MORN3: variants seen among roughly 807,000 people sequenced by gnomAD.
MORN3 encodes the protein MORN repeat-containing protein 3.
Under a neutral mutation model 34.7 loss-of-function variants are expected in MORN3, and 38 were observed. That is an observed-to-expected ratio of 1.10 (90% CI 0.85 to 1.44). The LOEUF is 1.44. MORN3 is among the 40% of genes most tolerant of loss of function. The pLI, the probability that MORN3 is intolerant of heterozygous loss-of-function variation, is 0.00. For synonymous variants in MORN3, 109 were observed against 115.3 expected (o/e 0.95, Z 0.35); for missense variants, 311 against 321.7 (o/e 0.97, Z 0.25).
chr12:121,666,182 C>CT (rs891794313), intron 1 of MORN3, among the ~76,000 whole-genome samples: 14 of 151,498 alleles, frequency 9.2e-5, no homozygotes, highest in South Asian at 8.4e-4. Flanking sequence ...ATTTATTTGT[C>CT]TTTTTTTTTC....
At chr12:121,667,298 G>A (rs1457499269) in intron 1 of MORN3, among the ~76,000 whole-genome samples, 2 of 151,690 alleles carry the variant, frequency 1.3e-5, no homozygotes, top group Non-Finnish European at 2.9e-5. Context: ...CTGGCACCCA[G>A]GCTGGAGTGC....
At chr12:121,659,162 C>CAT in intron 2 of MORN3, 29 bp downstream of exon 2, 1 of 1,607,870 alleles carries the variant, frequency 6.2e-7, no homozygotes. Flanking sequence ...CACACACACA[C>CAT]ACACACCCCG....
chr12:121,663,268 G>A (rs189199084), intron 1 of MORN3, among the ~76,000 whole-genome samples: 269 of 149,832 alleles, frequency 1.8e-3, no homozygotes, highest in African/African-American at 6.4e-3. Flanking sequence ...GTGCAATCTC[G>A]GCTCACTGCA....
chr12:121,662,739 A>T (rs1893620985), intron 1 of MORN3, among the ~76,000 whole-genome samples: 1 of 147,078 alleles, frequency 6.8e-6, no homozygotes, highest in Admixed American at 6.8e-5. Context: ...GGCAAGAGTG[A>T]GACTGAAAAA....
upstream of MORN3, chr12:121,672,560 C>CCGGCTCACCTGCGCT (rs1893998778): frequency 1.3e-5 from 2 of 152,300 alleles, no homozygotes; most frequent in African/African-American, 4.8e-5. Context: ...CCACCTGCGC[C>CCGGCTCACCTGCGCT]CGGCTCACCT....
At chr12:121,665,014 G>GCTAGT (rs978676518) in intron 1 of MORN3, among the ~76,000 whole-genome samples, 2 of 151,890 alleles carry the variant, frequency 1.3e-5, no homozygotes, top group Admixed American at 1.3e-4. Flanking sequence ...CTTTTTCTCT[G>GCTAGT]CTAGTCCATT....
Position 121,653,145 on chromosome 12 carries a change from G to A in MORN3, c.578C>T (p.Ala193Val), listed in dbSNP as rs1555325282. The part of the protein sequence containing the change: ...LFEGFWVDNM[A>V]KCGTMIDFGR... ...AAAGTCGATCATCGTCCCGCATTTG[G>A]CCATATTGTCCACCCAGAAGCCTTC... The change falls in exon 4 of 6, where the codon GCC becomes GTC. Residue 193 changes from alanine (A) to valine (V), a missense_variant. Physicochemically the swap from Ala to Val is moderately conservative, Grantham distance 64. Coordinates refer to ENST00000355329, the MANE Select transcript of MORN3 (RefSeq NM_173855.5). The A allele has an allele frequency of 2.5e-6, 4 of 1,614,044 alleles. No individual in the cohort carries two copies. Among genetic ancestry groups the A allele is most frequent in the Non-Finnish European group, 3.4e-6 (4 of 1,180,050 alleles).
At chr12:121,670,019 GCC>G (rs1566488597), upstream of MORN3, among the ~76,000 whole-genome samples, 3 of 151,374 alleles carry the variant, frequency 2.0e-5, no homozygotes, top group Non-Finnish European at 2.9e-5. Context: ...TATTACAGGC[GCC>G]CACCACCACG....
rs1893500550 is a variant in MORN3 at position 121,659,134 on chromosome 12, C to T, written c.303+57G>A. On this transcript the variant is annotated intron_variant, in intron 2 of 5. Coordinates refer to ENST00000355329, the MANE Select transcript of MORN3 (RefSeq NM_173855.5). Reference sequence around the variant, plus strand: ...TCTCGGCTTCCCCTAAACACACACGCGCGCACACACACACACACACACACA... The same window carrying T: ...TCTCGGCTTCCCCTAAACACACACGTGCGCACACACACACACACACACACA... The T allele has an allele frequency of 6.6e-7, 1 of 1,503,812 alleles. No homozygotes were observed. The highest frequency in any genetic ancestry group is 2.3e-5 in the East Asian group (1 of 43,200). The allele number at this position is 1,503,812 out of a possible 1,614,324, so 93.2% of individuals were successfully genotyped here.
chr12:121,659,483 A>C, intron 1 of MORN3, 135 bp from the exon 2 acceptor site: 1 of 754,012 alleles, frequency 1.3e-6, no homozygotes, highest in Non-Finnish European at 2.1e-6. Flanking sequence ...CATCCTAGAC[A>C]CCAAGTACCC....
chr12:121,662,764 G>A (rs1343001518), intron 1 of MORN3, among the ~76,000 whole-genome samples: 4 of 151,482 alleles, frequency 2.6e-5, no homozygotes, highest in African/African-American at 4.9e-5. Flanking sequence ...AAAAACGCCG[G>A]GCATGATGGC....
intron 4 of MORN3, 71 bp from the exon 5 acceptor site, chr12:121,652,879 G>T: frequency 6.5e-7 from 1 of 1,547,874 alleles, no homozygotes; most frequent in Non-Finnish European, 8.9e-7. Context: ...GACTGGCGCT[G>T]CCTGCCGTGT....
intron 2 of MORN3, among the ~76,000 whole-genome samples, chr12:121,658,114 AT>A (rs1893462533): frequency 6.6e-6 from 1 of 152,100 alleles, no homozygotes; most frequent in Admixed American, 6.6e-5. Flanking sequence ...GGGGAGACTG[AT>A]TTGAGTAATA....
intron 1 of MORN3, among the ~76,000 whole-genome samples, chr12:121,664,078 T>G (rs1056007266): frequency 2.0e-5 from 3 of 151,962 alleles, no homozygotes; most frequent in African/African-American, 7.3e-5. Flanking sequence ...TCCGTGTAAG[T>G]CCATTTGGGC....
intron 4 of MORN3, 69 bp downstream of exon 4, chr12:121,653,006 C>T: frequency 6.6e-7 from 1 of 1,514,744 alleles, no homozygotes; most frequent in Non-Finnish European, 8.9e-7. Context: ...CTGGCCTGGG[C>T]ATGGCTGGGG....
chr12:121,669,419 T>TG lies in MORN3; in HGVS notation c.64dup (p.Gln22ProfsTer42). The TG allele has an allele frequency of 6.2e-7, 1 of 1,614,134 alleles. No individual in the cohort carries two copies. Among genetic ancestry groups the TG allele is most frequent in the South Asian group, 1.1e-5 (1 of 91,088 alleles). On this transcript the variant is annotated frameshift_variant, in exon 1 of 6. Transcript: ENST00000355329. LOFTEE classifies it high-confidence loss of function. ...TACCTGGCTCCGCAGGCCGTTCCTC[T>TG]GGGCCTTCCGGTCCCACCCCTTCCA... is the stretch of plus-strand genomic sequence containing the variant.
intron 2 of MORN3, among the ~76,000 whole-genome samples, chr12:121,656,525 T>C (rs944982633): frequency 1.9e-4 from 29 of 152,054 alleles, no homozygotes; most frequent in Non-Finnish European, 2.9e-4. Context: ...TATTTATTTA[T>C]TTATTTTGAG....
chr12:121,658,348 C>T (rs536811365), intron 2 of MORN3, among the ~76,000 whole-genome samples: 1 of 152,086 alleles, frequency 6.6e-6, no homozygotes, highest in East Asian at 1.9e-4. Context: ...GGGCGGATCA[C>T]GAGGTCAGGG....
Position 121,651,083 on chromosome 12 carries a change from G to T in MORN3, c.*568C>A. 6.6e-6 allele frequency: 1 copy of T among 152,270 alleles called. No homozygotes were observed. The highest frequency in any genetic ancestry group is 1.5e-5 in the Non-Finnish European group (1 of 68,062). The allele number at this position is 152,270 out of a possible 1,614,324, so 9.4% of individuals were successfully genotyped here. On this transcript the variant is annotated 3_prime_UTR_variant, in exon 6 of 6. Coordinates refer to ENST00000355329, the MANE Select transcript of MORN3 (RefSeq NM_173855.5). ...GGGTCATCTGGGTTATCTCACAGGG[G>T]ACCTGCCATTTCTTTCTCTTTTTCT...
Sources: gnomAD v4.1 joint callset for allele counts (sites outside exome capture counted in the v4.1 genomes callset) on GRCh38, gnomAD v4.1.1 for gene constraint, MANE v1.5 for transcripts, NCBI Gene and HGNC (gene_info 2026-07-23, HGNC 2026-07-21) for gene names.